RPTOR: variants seen among roughly 807,000 people sequenced by gnomAD.
RPTOR encodes the protein regulatory associated protein of MTOR complex 1.
In RPTOR, 21 loss-of-function variants were observed where a neutral mutation model predicts 169.9. The ratio of observed to expected loss-of-function variants is 0.12; its 90% confidence interval spans 0.09 to 0.18. The LOEUF is 0.18. Among genes scored for constraint, RPTOR ranks in the 10% least tolerant of loss-of-function variants. RPTOR has a pLI of 1.00. For synonymous variants in RPTOR, 732 were observed against 753.2 expected, an observed-to-expected ratio of 0.97 and a Z score of 0.46; for missense variants, 1,133 against 1,855.9, an observed-to-expected ratio of 0.61 and a Z score of 7.16.
intron 13 of RPTOR, among the ~76,000 whole-genome samples, chr17:80,859,804 T>G (rs527438126): frequency 1.3e-5 from 2 of 152,310 alleles, no homozygotes; most frequent in African/African-American, 4.8e-5. Flanking sequence ...ATATGCAAAG[T>G]CTCTTAATTC....
intron 6 of RPTOR, among the ~76,000 whole-genome samples, chr17:80,757,299 C>T (rs764158626): frequency 6.6e-5 from 10 of 152,198 alleles, no homozygotes; most frequent in African/African-American, 1.7e-4. Context: ...GGGAGACCTC[C>T]GACCTCAGCA....
At chr17:80,590,687 T>C (rs1168863685) in intron 1 of RPTOR, among the ~76,000 whole-genome samples, 1 of 152,300 alleles carries the variant, frequency 6.6e-6, no homozygotes, top group Non-Finnish European at 1.5e-5. Flanking sequence ...ATTTCAGGTA[T>C]AATCTGTCTA....
intron 20 of RPTOR, among the ~76,000 whole-genome samples, chr17:80,906,876 G>A (rs1232867057): frequency 6.6e-6 from 1 of 152,132 alleles, no homozygotes; most frequent in Non-Finnish European, 1.5e-5. Flanking sequence ...CTCTTCAGGA[G>A]CCACGGGCAT....
At chr17:80,827,598 G>T (rs1425287825) in intron 9 of RPTOR, among the ~76,000 whole-genome samples, 1 of 152,182 alleles carries the variant, frequency 6.6e-6, no homozygotes, top group Admixed American at 6.5e-5. Context: ...CACCCCCAGG[G>T]AGGGGCCACA....
In RPTOR at chr17:80,851,644, C is replaced by G. The variant is rs74004014; in HGVS notation, c.1315-3820C>G. 1.5e-3 allele frequency among the ~76,000 whole-genome samples: 226 copies of G among 152,364 alleles called. 1 individual carries two copies. Among genetic ancestry groups the G allele is most frequent in the African/African-American group, 5.3e-3 (221 of 41,594 alleles). ...CAGGCAGGTGGGCCCCCGAGGCCCCCGCGTGTGTTTCATCAGCACCTGCAG... is the reference window on the plus strand; with the variant it reads ...CAGGCAGGTGGGCCCCCGAGGCCCCGGCGTGTGTTTCATCAGCACCTGCAG... On this transcript the variant is annotated intron_variant, in intron 11 of 33. Coordinates refer to ENST00000306801, the MANE Select transcript of RPTOR (RefSeq NM_020761.3).
intron 13 of RPTOR, among the ~76,000 whole-genome samples, chr17:80,867,939 C>T (rs2068011926): frequency 6.6e-6 from 1 of 152,126 alleles, no homozygotes; most frequent in Admixed American, 6.5e-5. Context: ...ATACAAAGGA[C>T]CTACAGCAGG....
chr17:80,883,625 C>A, intron 15 of RPTOR, 141 bp downstream of exon 15: 1 of 1,182,396 alleles, frequency 8.5e-7, no homozygotes, highest in Non-Finnish European at 1.2e-6. Context: ...CAGCCATTTG[C>A]AGGCTGAATA....
chr17:80,842,066 G>C lies in RPTOR; in HGVS notation c.1212+4069G>C, dbSNP rs188667463. 1.5e-3 allele frequency among the ~76,000 whole-genome samples: 224 copies of C among 152,312 alleles called. 1 individual carries two copies. The highest frequency in any genetic ancestry group is 4.4e-3 in the Admixed American group (68 of 15,294). ...CACGGCAGCTCACACTCACGGCGCT[G>C]CAGCTCACATTCATTGCAAGGTGGA... is the stretch of plus-strand genomic sequence containing the variant. On this transcript the variant is annotated intron_variant, in intron 10 of 33. Coordinates refer to ENST00000306801, the MANE Select transcript of RPTOR (RefSeq NM_020761.3).
chr17:80,678,517 G>C (rs1381854594), intron 3 of RPTOR, among the ~76,000 whole-genome samples: 3 of 152,210 alleles, frequency 2.0e-5, no homozygotes, highest in Non-Finnish European at 4.4e-5. Flanking sequence ...AAGACCTAAT[G>C]GTCGGGCATG....
chr17:80,922,188 C>A (rs2068753476), intron 21 of RPTOR, among the ~76,000 whole-genome samples: 1 of 152,240 alleles, frequency 6.6e-6, no homozygotes, highest in African/African-American at 2.4e-5. Context: ...TGAAGCACTC[C>A]CTGACCCTCC....
chr17:80,638,157 G>A (rs1194957278), intron 2 of RPTOR, among the ~76,000 whole-genome samples: 1 of 152,240 alleles, frequency 6.6e-6, no homozygotes. Flanking sequence ...AGAATGCTGC[G>A]GTAGAGACGT....
chr17:80,660,489 A>G (rs767040424), intron 3 of RPTOR, among the ~76,000 whole-genome samples: 1 of 152,112 alleles, frequency 6.6e-6, no homozygotes, highest in Non-Finnish European at 1.5e-5. Context: ...CATCTGTTCT[A>G]TAGAAATTAT....
chr17:80,637,838 A>G (rs560904037), intron 2 of RPTOR, among the ~76,000 whole-genome samples: 7 of 152,258 alleles, frequency 4.6e-5, no homozygotes, highest in Non-Finnish European at 1.0e-4. Context: ...GAGCATTAAG[A>G]GACCTTGGGT....
intron 6 of RPTOR, among the ~76,000 whole-genome samples, chr17:80,765,549 C>T (rs1230206386): frequency 6.6e-6 from 1 of 152,150 alleles, no homozygotes; most frequent in Admixed American, 6.5e-5. Flanking sequence ...TTTGGACTGG[C>T]GTTAGTGCTG....
chr17:80,917,732 A>G (rs924429111), intron 21 of RPTOR, among the ~76,000 whole-genome samples: 18 of 152,230 alleles, frequency 1.2e-4, no homozygotes, highest in African/African-American at 3.9e-4. Context: ...TGAGACAGAC[A>G]GTTCTCTGTT....
At chr17:80,759,224 C>G (rs1374508412) in intron 6 of RPTOR, among the ~76,000 whole-genome samples, 2 of 152,246 alleles carry the variant, frequency 1.3e-5, no homozygotes, top group Non-Finnish European at 1.5e-5. Flanking sequence ...TGCTTTCACT[C>G]TGAGGGCTGC....
In RPTOR at chr17:80,746,795, A is replaced by G. The variant is rs1338876520; in HGVS notation, c.655-7215A>G. 1.3e-5 allele frequency among the ~76,000 whole-genome samples: 2 copies of G among 152,230 alleles called. No individual in the cohort carries two copies. Among genetic ancestry groups the G allele is most frequent in the Admixed American group, 6.5e-5 (1 of 15,290 alleles). On this transcript the variant is annotated intron_variant, in intron 5 of 33. Transcript: ENST00000306801. This position sits in a 1 kb window ranked among gnomAD's most constrained non-coding sequence, Gnocchi z 4.5. ...CGGGGTCAATATCTTAGGTAGATGC[A>G]AAACCAAAACAGTGTATAGGAAATA... is the stretch of plus-strand genomic sequence containing the variant.
At chr17:80,753,590 G>A (rs1468771829) in intron 5 of RPTOR, among the ~76,000 whole-genome samples, 4 of 131,994 alleles carry the variant, frequency 3.0e-5, no homozygotes, top group Admixed American at 1.8e-4. Context: ...TCGAGATCGC[G>A]CCACTGCACT....
At chr17:80,917,220 C>A (rs1423652456) in intron 21 of RPTOR, among the ~76,000 whole-genome samples, 8 of 141,146 alleles carry the variant, frequency 5.7e-5, no homozygotes, top group African/African-American at 2.1e-4. Flanking sequence ...TCAAGCAATT[C>A]TGCTGCCTCG....
Sources: allele counts gnomAD v4.1 joint callset (sites outside exome capture counted in the v4.1 genomes callset), GRCh38; gene constraint gnomAD v4.1.1; non-coding constraint Gnocchi (gnomAD v3.1); transcripts MANE v1.5; gene names NCBI Gene and HGNC (gene_info 2026-07-23, HGNC 2026-07-21).